The following RNLS variants were observed in gnomAD, a reference collection of about 807,000 sequenced individuals.
RNLS encodes the protein renalase, FAD dependent amine oxidase.
RNLS carries 39 observed loss-of-function variants against 39.8 expected under a neutral mutation model. The observed-to-expected ratio is 0.98, with a 90% CI of 0.76 to 1.28. RNLS has a LOEUF of 1.28. Among genes scored for constraint, RNLS ranks in the 50% most tolerant of loss-of-function variants. RNLS has a pLI of 0.00. For missense variants in RNLS, 410 were observed against 413.3 expected (o/e 0.99, Z 0.07); for synonymous variants, 147 against 150.7 (o/e 0.98, Z 0.18).
At chr10:88,333,634 T>C (rs1847275974) in intron 5 of RNLS, among the ~76,000 whole-genome samples, 1 of 152,230 alleles carries the variant, frequency 6.6e-6, no homozygotes, top group African/African-American at 2.4e-5. Flanking sequence ...TCATTTTTTT[T>C]CCAGTTTGTT....
chr10:88,340,425 T>A (rs1023445481), intron 5 of RNLS, among the ~76,000 whole-genome samples: 5 of 151,498 alleles, frequency 3.3e-5, no homozygotes, highest in African/African-American at 1.2e-4. Context: ...GATTTCAAAT[T>A]AGAGGATCAT....
chr10:88,568,654 T>A (rs1223711018), intron 4 of RNLS, among the ~76,000 whole-genome samples: 4 of 151,988 alleles, frequency 2.6e-5, no homozygotes, highest in Admixed American at 2.6e-4. Flanking sequence ...AGATGTCGCA[T>A]GGGTTCATAT....
the RNLS span, among the ~76,000 whole-genome samples, chr10:88,199,508 T>C: frequency 6.6e-6 from 1 of 152,056 alleles, no homozygotes; most frequent in African/African-American, 2.4e-5. Context: ...GGAAGCAAAA[T>C]TGTGCATCCC....
intron 5 of RNLS, among the ~76,000 whole-genome samples, chr10:88,316,808 A>G (rs1434263201): frequency 6.6e-6 from 1 of 152,236 alleles, no homozygotes; most frequent in Non-Finnish European, 1.5e-5. Flanking sequence ...TTTGAATTGT[A>G]CATTTATTTT....
the RNLS span, among the ~76,000 whole-genome samples, chr10:88,198,014 C>T: frequency 2.0e-5 from 3 of 152,174 alleles, no homozygotes; most frequent in African/African-American, 7.2e-5. Context: ...GTGGTGAATA[C>T]TATCATCTCC....
intron 6 of RNLS, among the ~76,000 whole-genome samples, chr10:88,295,492 GGT>G (rs781282955): frequency 3.4e-4 from 52 of 151,952 alleles, no homozygotes; most frequent in Non-Finnish European, 6.2e-4. Context: ...TATATTTAAC[GGT>G]GATTTCATAA....
chr10:88,232,585 T>C, the RNLS span, among the ~76,000 whole-genome samples: 1 of 152,222 alleles, frequency 6.6e-6, no homozygotes, highest in South Asian at 2.1e-4. Flanking sequence ...AGCTTCTTAC[T>C]TCCACTTCTT....
At chr10:88,247,798 T>G in the RNLS span, among the ~76,000 whole-genome samples, 1 of 152,154 alleles carries the variant, frequency 6.6e-6, no homozygotes, top group African/African-American at 2.4e-5. Flanking sequence ...ACAAGGATCC[T>G]TTAAATGTTG....
Position 88,406,627 on chromosome 10 carries a change from G to C in RNLS, c.527-43902C>G, listed in dbSNP as rs143527760. On this transcript the variant is annotated intron_variant, in intron 4 of 6. Transcript: ENST00000331772. ...GGAGGGAATGTAAACTAGTACAGCT[G>C]CTATGGAAAACAGTGTGGAGACTCC... Among the ~76,000 whole-genome samples the C allele has an allele frequency of 6.9e-3, 1,045 of 152,102 alleles. 15 individuals are homozygous for C. The highest frequency in any genetic ancestry group is 0.024 in the African/African-American group (983 of 41,520).
At chr10:88,485,771 T>G (rs1051555113) in intron 4 of RNLS, among the ~76,000 whole-genome samples, 1 of 151,960 alleles carries the variant, frequency 6.6e-6, no homozygotes, top group Non-Finnish European at 1.5e-5. Flanking sequence ...GAGAATAACT[T>G]GTATCTAAAA....
intron 5 of RNLS, among the ~76,000 whole-genome samples, chr10:88,351,940 CT>C: frequency 6.6e-6 from 1 of 152,180 alleles, no homozygotes; most frequent in East Asian, 1.9e-4. Context: ...AGTTGGCTTC[CT>C]AGTATTTTAT....
the RNLS span, among the ~76,000 whole-genome samples, chr10:88,234,247 A>G: frequency 6.6e-6 from 1 of 151,718 alleles, no homozygotes. Flanking sequence ...CCTCATCGCA[A>G]TGCTCCCTGC....
chr10:88,416,887 T>C (rs969646154), intron 4 of RNLS, among the ~76,000 whole-genome samples: 24 of 152,206 alleles, frequency 1.6e-4, no homozygotes, highest in African/African-American at 5.8e-4. Flanking sequence ...CCCAAGATGA[T>C]CTCTTCCCAC....
intron 4 of RNLS, among the ~76,000 whole-genome samples, chr10:88,528,415 C>G (rs1297884459): frequency 6.6e-6 from 1 of 152,004 alleles, no homozygotes; most frequent in Admixed American, 6.6e-5. Context: ...GTACTTTACC[C>G]AAACAAGGGG....
chr10:88,370,388 T>C (rs2133425044), intron 4 of RNLS, among the ~76,000 whole-genome samples: 1 of 152,314 alleles, frequency 6.6e-6, no homozygotes, highest in African/African-American at 2.4e-5. Flanking sequence ...CTCACATTGA[T>C]ACTTGGTGCT....
At chr10:88,347,907 G>A (rs1445058005) in intron 5 of RNLS, among the ~76,000 whole-genome samples, 2 of 151,938 alleles carry the variant, frequency 1.3e-5, no homozygotes, top group African/African-American at 2.4e-5. Flanking sequence ...CTTTATAAAT[G>A]CTCCCCAGAA....
At chr10:88,240,318 G>A in the RNLS span, among the ~76,000 whole-genome samples, 2 of 151,926 alleles carry the variant, frequency 1.3e-5, no homozygotes, top group Non-Finnish European at 2.9e-5. Flanking sequence ...TCTGCCTGGC[G>A]CAGTACTAGC....
intron 4 of RNLS, among the ~76,000 whole-genome samples, chr10:88,529,388 C>T (rs1847288980): frequency 6.6e-6 from 1 of 152,160 alleles, no homozygotes; most frequent in African/African-American, 2.4e-5. Context: ...CTACGTTTAG[C>T]TATACACATT....
chr10:88,524,094 C>A (rs775920566), intron 4 of RNLS, among the ~76,000 whole-genome samples: 1 of 151,934 alleles, frequency 6.6e-6, no homozygotes, highest in Non-Finnish European at 1.5e-5. Flanking sequence ...AATTTTTGAC[C>A]ACACATCATT....
Sources: gnomAD v4.1 joint callset for allele counts (sites outside exome capture counted in the v4.1 genomes callset) on GRCh38, gnomAD v4.1.1 for gene constraint, MANE v1.5 for transcripts, NCBI Gene and HGNC (gene_info 2026-07-23, HGNC 2026-07-21) for gene names.